ST6GALNAC3: variants seen among roughly 807,000 people sequenced by gnomAD.
ST6GALNAC3 encodes ST6 N-acetylgalactosaminide alpha-2,6-sialyltransferase 3, also known as alpha-N-acetylgalactosaminide alpha-2,6-sialyltransferase 3.
Under a neutral mutation model 32.7 loss-of-function variants are expected in ST6GALNAC3, and 25 were observed. That is an observed-to-expected ratio of 0.76 (90% confidence interval 0.56 to 1.07). The LOEUF is 1.07. Among genes scored for constraint, ST6GALNAC3 ranks in the 50% least tolerant of loss-of-function variants. The pLI, the probability that ST6GALNAC3 is intolerant of heterozygous loss-of-function variation, is 0.00. For synonymous variants in ST6GALNAC3, 129 were observed against 133.1 expected, an observed-to-expected ratio of 0.97 and a Z score of 0.21; for missense variants, 355 against 382.4, an observed-to-expected ratio of 0.93 and a Z score of 0.60.
intron 2 of ST6GALNAC3, among the ~76,000 whole-genome samples, chr1:76,411,121 G>A (rs1205264844): frequency 1.3e-5 from 2 of 152,160 alleles, no homozygotes; most frequent in African/African-American, 4.8e-5. Context: ...CTATGTGGGA[G>A]AGAAGCAGCA....
chr1:76,506,134 A>G (rs888150700), intron 3 of ST6GALNAC3, among the ~76,000 whole-genome samples: 7 of 152,318 alleles, frequency 4.6e-5, no homozygotes, highest in Admixed American at 3.3e-4. Context: ...CTTGTTTACA[A>G]TACATGTAGA....
intron 2 of ST6GALNAC3, among the ~76,000 whole-genome samples, chr1:76,371,055 T>C (rs1461496802): frequency 6.6e-6 from 1 of 152,182 alleles, no homozygotes; most frequent in Admixed American, 6.6e-5. Context: ...GAAATTCCAG[T>C]CCATTTTGTT....
At chr1:76,422,585 G>A (rs1655099084) in intron 3 of ST6GALNAC3, among the ~76,000 whole-genome samples, 1 of 151,954 alleles carries the variant, frequency 6.6e-6, no homozygotes, top group Non-Finnish European at 1.5e-5. Flanking sequence ...ATTACAAGGG[G>A]TGCTGATTAA....
At chr1:76,592,911 A>T (rs887415606) in intron 3 of ST6GALNAC3, among the ~76,000 whole-genome samples, 3 of 152,174 alleles carry the variant, frequency 2.0e-5, no homozygotes, top group Non-Finnish European at 4.4e-5. Context: ...TCTTACAGAG[A>T]AGCCAAAGAC....
intron 3 of ST6GALNAC3, among the ~76,000 whole-genome samples, chr1:76,496,008 T>G (rs1571417932): frequency 6.6e-6 from 1 of 152,286 alleles, no homozygotes; most frequent in East Asian, 1.9e-4. Flanking sequence ...AAACTTAGCA[T>G]GTTAGCCACA....
intron 1 of ST6GALNAC3, among the ~76,000 whole-genome samples, chr1:76,253,644 C>T (rs192039028): frequency 2.6e-5 from 4 of 152,188 alleles, no homozygotes; most frequent in Admixed American, 2.0e-4. Context: ...GGAGCCTGCC[C>T]GCTATGGAAA....
chr1:76,333,669 A>G (rs1028077417), intron 2 of ST6GALNAC3, among the ~76,000 whole-genome samples: 1 of 152,188 alleles, frequency 6.6e-6, no homozygotes, highest in African/African-American at 2.4e-5. Context: ...TTGGTTGTCC[A>G]TATTTCCTTT....
At chr1:76,218,472 A>G (rs1287580302) in intron 1 of ST6GALNAC3, among the ~76,000 whole-genome samples, 2 of 152,246 alleles carry the variant, frequency 1.3e-5, no homozygotes, top group Non-Finnish European at 2.9e-5. Context: ...CCAAGCTGGT[A>G]TGGTGAGGAT....
chr1:76,455,529 A>G (rs1440084118), intron 3 of ST6GALNAC3, among the ~76,000 whole-genome samples: 1 of 151,878 alleles, frequency 6.6e-6, no homozygotes, highest in Non-Finnish European at 1.5e-5. Context: ...TGGGAACATA[A>G]CCCTTGCTTC....
At chr1:76,439,474 T>C (rs1183713671) in intron 3 of ST6GALNAC3, among the ~76,000 whole-genome samples, 1 of 152,220 alleles carries the variant, frequency 6.6e-6, no homozygotes, top group Non-Finnish European at 1.5e-5. Flanking sequence ...ATAAGGCCTT[T>C]GGTTATTGCT....
chr1:76,475,955 T>C (rs886168088), intron 3 of ST6GALNAC3, among the ~76,000 whole-genome samples: 2 of 152,174 alleles, frequency 1.3e-5, no homozygotes, highest in Admixed American at 6.5e-5. Flanking sequence ...CGGTGTTTGG[T>C]TTTCTGTTCT....
intron 3 of ST6GALNAC3, among the ~76,000 whole-genome samples, chr1:76,571,640 A>C (rs1162988267): frequency 1.3e-5 from 2 of 152,170 alleles, no homozygotes. Context: ...AAGAATAACT[A>C]GGATTATGAA....
chr1:76,207,519 C>T (rs182421039), intron 1 of ST6GALNAC3, among the ~76,000 whole-genome samples: 2 of 152,336 alleles, frequency 1.3e-5, no homozygotes, highest in Admixed American at 1.3e-4. Context: ...AAAAGCATGG[C>T]ACTGGCATCT....
At chr1:76,589,581 T>C (rs1647016152) in intron 3 of ST6GALNAC3, among the ~76,000 whole-genome samples, 1 of 151,938 alleles carries the variant, frequency 6.6e-6, no homozygotes, top group Non-Finnish European at 1.5e-5. Flanking sequence ...GTTAAAATAA[T>C]TCATGTCTGA....
chr1:76,351,301 G>A (rs1648959491), intron 2 of ST6GALNAC3, among the ~76,000 whole-genome samples: 2 of 152,050 alleles, frequency 1.3e-5, no homozygotes, highest in South Asian at 2.1e-4. Context: ...AAATGTGTGG[G>A]CCTAAATATC....
chr1:76,354,722 T>C (rs1466758608), intron 2 of ST6GALNAC3, among the ~76,000 whole-genome samples: 1 of 152,182 alleles, frequency 6.6e-6, no homozygotes, highest in African/African-American at 2.4e-5. Flanking sequence ...TAGTTATGCT[T>C]TGCCAGTATT....
chr1:76,605,082 G>T (rs151018574), intron 3 of ST6GALNAC3, among the ~76,000 whole-genome samples: 75 of 152,158 alleles, frequency 4.9e-4, no homozygotes, highest in Non-Finnish European at 8.8e-4. Context: ...TTCCTGTATG[G>T]AGAGCCTCCA....
chr1:76,361,536 T>G (rs1649935833), intron 2 of ST6GALNAC3, among the ~76,000 whole-genome samples: 1 of 152,358 alleles, frequency 6.6e-6, no homozygotes, highest in South Asian at 2.1e-4. Context: ...TTTAACTAAG[T>G]GTATTTGAAA....
At chr1:76,626,228 C>T (rs916721749) in intron 3 of ST6GALNAC3, among the ~76,000 whole-genome samples, 2 of 151,756 alleles carry the variant, frequency 1.3e-5, no homozygotes, top group Non-Finnish European at 2.9e-5. Flanking sequence ...ATCCAGAGAG[C>T]GGTTATCAGT....
Sources: allele counts gnomAD v4.1 joint callset (sites outside exome capture counted in the v4.1 genomes callset), GRCh38; gene constraint gnomAD v4.1.1; transcripts MANE v1.5; gene names NCBI Gene and HGNC (gene_info 2026-07-23, HGNC 2026-07-21).